STXBP5: variants seen among roughly 807,000 people sequenced by gnomAD.
STXBP5 encodes syntaxin binding protein 5.
Under a neutral mutation model 152.4 loss-of-function variants are expected in STXBP5, and 50 were observed. That is an observed-to-expected ratio of 0.33 (90% CI 0.26 to 0.42). STXBP5 has a LOEUF of 0.42. STXBP5 is among the 10% of genes least tolerant of loss of function. The pLI is 1.00. For synonymous variants in STXBP5, 492 were observed against 494.7 expected, an observed-to-expected ratio of 0.99 and a Z score of 0.07; for missense variants, 1,167 against 1,388.6, an observed-to-expected ratio of 0.84 and a Z score of 2.54.
At chr6:147,381,836 A>G (rs1429851200) in intron 26 of STXBP5, among the ~76,000 whole-genome samples, 1 of 152,138 alleles carries the variant, frequency 6.6e-6, no homozygotes. Context: ...AGGCAAATTT[A>G]TGGAAACAGA....
chr6:147,379,215 T>G (rs1785956329), intron 26 of STXBP5, among the ~76,000 whole-genome samples: 2 of 152,152 alleles, frequency 1.3e-5, no homozygotes, highest in East Asian at 3.9e-4. Flanking sequence ...TCTGCAAAGA[T>G]CCTTTTCCTA....
At chr6:147,268,896 T>C (rs1423002480) in intron 7 of STXBP5, among the ~76,000 whole-genome samples, 2 of 152,182 alleles carry the variant, frequency 1.3e-5, no homozygotes, top group East Asian at 3.8e-4. Flanking sequence ...CTTTAGCTAA[T>C]GGCCTGAAGA....
chr6:147,276,064 G>C (rs941638104), intron 7 of STXBP5, among the ~76,000 whole-genome samples: 14 of 151,944 alleles, frequency 9.2e-5, no homozygotes, highest in Non-Finnish European at 1.8e-4. Context: ...GGTGAGTTTT[G>C]ATTTTCTCAC....
At chr6:147,304,176 A>C (rs1250176660) in intron 9 of STXBP5, among the ~76,000 whole-genome samples, 1 of 152,170 alleles carries the variant, frequency 6.6e-6, no homozygotes. Flanking sequence ...ACAGGCCCAG[A>C]GGCCTAGGAG....
intron 27 of STXBP5, among the ~76,000 whole-genome samples, chr6:147,383,282 C>A (rs1156451125): frequency 6.6e-6 from 1 of 152,020 alleles, no homozygotes; most frequent in African/African-American, 2.4e-5. Flanking sequence ...TTAAGGAATG[C>A]GATACCAATG....
chr6:147,269,197 G>T (rs1780035357), intron 7 of STXBP5, among the ~76,000 whole-genome samples: 1 of 152,176 alleles, frequency 6.6e-6, no homozygotes, highest in African/African-American at 2.4e-5. Context: ...ACTGGGAATA[G>T]TTCACATTCC....
At chr6:147,232,423 A>T (rs939449160) in intron 2 of STXBP5, among the ~76,000 whole-genome samples, 2 of 151,802 alleles carry the variant, frequency 1.3e-5, no homozygotes, top group Admixed American at 6.6e-5. Context: ...TCAAGATTAT[A>T]TGTAGGCATT....
rs905666021 is a variant in STXBP5 at position 147,387,561 on chromosome 6, T to G, written c.*2806T>G. ...ATTTGAAATCTTATATTCTGACAAA[T>G]TCTGTACATTACATCCATTTGAAGT... On this transcript the variant is annotated 3_prime_UTR_variant, in exon 28 of 28. Transcript: ENST00000321680. The G allele has an allele frequency of 6.6e-6, 1 of 151,810 alleles. No homozygotes were observed. The highest frequency in any genetic ancestry group is 6.6e-5 in the Admixed American group (1 of 15,206). The allele number at this position is 151,810 out of a possible 1,614,324, so 9.4% of individuals were successfully genotyped here.
intron 4 of STXBP5, among the ~76,000 whole-genome samples, chr6:147,239,855 A>C (rs1778450477): frequency 6.6e-6 from 1 of 152,178 alleles, no homozygotes; most frequent in Non-Finnish European, 1.5e-5. Context: ...ATCTCTTCTA[A>C]TATGACTTGT....
At chr6:147,268,638 T>C (rs1780007652) in intron 7 of STXBP5, among the ~76,000 whole-genome samples, 1 of 152,214 alleles carries the variant, frequency 6.6e-6, no homozygotes, top group African/African-American at 2.4e-5. Context: ...TGTGTAGTTG[T>C]GATCTGTAGT....
At chr6:147,335,433 C>G (rs769681770) in intron 19 of STXBP5, among the ~76,000 whole-genome samples, 1 of 152,078 alleles carries the variant, frequency 6.6e-6, no homozygotes, top group South Asian at 2.1e-4. Context: ...AGGATATAAG[C>G]CAGGGTGAAC....
intron 4 of STXBP5, among the ~76,000 whole-genome samples, chr6:147,244,872 A>G (rs190689114): frequency 2.0e-5 from 3 of 148,278 alleles, no homozygotes; most frequent in East Asian, 4.0e-4. Flanking sequence ...AATGAGTCCT[A>G]TTTCTCTGGC....
At chr6:147,234,485 G>C (rs897711175) in intron 2 of STXBP5, among the ~76,000 whole-genome samples, 4 of 151,766 alleles carry the variant, frequency 2.6e-5, no homozygotes, top group Non-Finnish European at 5.9e-5. Flanking sequence ...ATGTGACTTG[G>C]GGCAGGTTAC....
At chr6:147,217,942 G>A (rs982870534) in intron 2 of STXBP5, among the ~76,000 whole-genome samples, 23 of 152,098 alleles carry the variant, frequency 1.5e-4, no homozygotes, top group African/African-American at 5.1e-4. Flanking sequence ...TTTCTTAAAT[G>A]AGATTAGCAG....
At chr6:147,313,606 G>A (rs1244062413) in intron 11 of STXBP5, among the ~76,000 whole-genome samples, 7 of 152,096 alleles carry the variant, frequency 4.6e-5, no homozygotes, top group East Asian at 1.9e-4. Flanking sequence ...TGCCTATGTC[G>A]TAAGTTTGGT....
At chr6:147,251,444 G>A (rs922103795) in intron 4 of STXBP5, among the ~76,000 whole-genome samples, 2 of 152,012 alleles carry the variant, frequency 1.3e-5, no homozygotes, top group South Asian at 2.1e-4. Context: ...AGACAGAACC[G>A]TTCACTCCCC....
chr6:147,373,385 A>C (rs1379626927), intron 25 of STXBP5, among the ~76,000 whole-genome samples: 3 of 151,768 alleles, frequency 2.0e-5, no homozygotes, highest in East Asian at 1.9e-4. Flanking sequence ...AAAAAAAAAA[A>C]AAACTTCTTT....
chr6:147,263,330 TTTTC>T (rs1464085880), intron 6 of STXBP5, among the ~76,000 whole-genome samples: 6 of 150,538 alleles, frequency 4.0e-5, no homozygotes, highest in East Asian at 3.9e-4. Context: ...TTGCTTTTCT[TTTTC>T]TTTCTTTCTT....
intron 2 of STXBP5, among the ~76,000 whole-genome samples, chr6:147,227,063 GA>G (rs1777755366): frequency 6.6e-6 from 1 of 152,164 alleles, no homozygotes; most frequent in South Asian, 2.1e-4. Flanking sequence ...AAGAGAGAGA[GA>G]CTAAGTAAGT....
Sources: gnomAD v4.1 joint callset for allele counts (sites outside exome capture counted in the v4.1 genomes callset) on GRCh38, gnomAD v4.1.1 for gene constraint, MANE v1.5 for transcripts, NCBI Gene and HGNC (gene_info 2026-07-23, HGNC 2026-07-21) for gene names.